Variants in IMMP2L observed in about 807,000 individuals in gnomAD.
The protein encoded by IMMP2L is mitochondrial inner membrane protease subunit 2.
IMMP2L carries 18 observed loss-of-function variants against 19.3 expected under a neutral mutation model. The ratio of observed to expected loss-of-function variants is 0.93; its 90% confidence interval spans 0.64 to 1.38. The LOEUF is 1.38. IMMP2L is among the 40% of genes most tolerant of loss of function. The pLI is 0.00. For synonymous variants in IMMP2L, 76 were observed against 73.0 expected, an observed-to-expected ratio of 1.04 and a Z score of -0.21; for missense variants, 233 against 218.2, an observed-to-expected ratio of 1.07 and a Z score of -0.43.
At chr7:110,929,357 C>T (rs952530269) in intron 4 of IMMP2L, among the ~76,000 whole-genome samples, 10 of 152,106 alleles carry the variant, frequency 6.6e-5, no homozygotes, top group Non-Finnish European at 8.8e-5. Flanking sequence ...AGATATTTCC[C>T]TCCGTTTGAG....
At chr7:110,713,633 G>A (rs919565712) in intron 5 of IMMP2L, among the ~76,000 whole-genome samples, 1 of 145,150 alleles carries the variant, frequency 6.9e-6, no homozygotes, top group Non-Finnish European at 1.5e-5. Context: ...TATCGCCTTG[G>A]TTGGGTGTAT....
chr7:110,866,242 C>T (rs1426714823), intron 5 of IMMP2L, among the ~76,000 whole-genome samples: 1 of 151,824 alleles, frequency 6.6e-6, no homozygotes, highest in Non-Finnish European at 1.5e-5. Flanking sequence ...AAAAGAACTA[C>T]CAATTTCAGC....
chr7:111,143,795 G>T (rs143219495), intron 3 of IMMP2L, among the ~76,000 whole-genome samples: 161 of 152,170 alleles, frequency 1.1e-3, no homozygotes, highest in Admixed American at 4.4e-3. Context: ...GTGAGAAAAT[G>T]CATTCTCATT....
At chr7:110,721,725 T>C (rs1398820336) in intron 5 of IMMP2L, among the ~76,000 whole-genome samples, 1 of 152,124 alleles carries the variant, frequency 6.6e-6, no homozygotes, top group South Asian at 2.1e-4. Context: ...CAATGCTGAA[T>C]GACAATGTTA....
In IMMP2L at chr7:110,772,951, CT is replaced by C. The variant is rs562486805; in HGVS notation, c.409-109231del. ...GAAGTACTATCGGCCATATTCATTTCTTTTTTTTTTCCCTTTGTCCTTTCAA... is the reference window on the plus strand; with the variant it reads ...GAAGTACTATCGGCCATATTCATTTCTTTTTTTTTCCCTTTGTCCTTTCAA... On this transcript the variant is annotated intron_variant, in intron 5 of 5. Coordinates refer to ENST00000405709, the MANE Select transcript of IMMP2L (RefSeq NM_032549.4). 2.2e-3 allele frequency among the ~76,000 whole-genome samples: 335 copies of C among 149,656 alleles called. 3 individuals carry two copies. Among genetic ancestry groups the C allele is most frequent in the African/African-American group, 7.1e-3 (289 of 40,904 alleles).
intron 5 of IMMP2L, among the ~76,000 whole-genome samples, chr7:110,677,162 A>G (rs559282302): frequency 6.6e-6 from 1 of 152,330 alleles, no homozygotes; most frequent in East Asian, 1.9e-4. Context: ...GAAGAACAAA[A>G]TGATTCCTTT....
chr7:110,872,387 A>G (rs907096777), intron 5 of IMMP2L, among the ~76,000 whole-genome samples: 5 of 152,140 alleles, frequency 3.3e-5, no homozygotes, highest in Non-Finnish European at 7.4e-5. Context: ...CACTTCTAAG[A>G]ACTTCATGAT....
At chr7:110,934,684 T>A (rs910477974) in intron 4 of IMMP2L, among the ~76,000 whole-genome samples, 1 of 152,232 alleles carries the variant, frequency 6.6e-6, no homozygotes, top group African/African-American at 2.4e-5. Flanking sequence ...GGTGTTCCTG[T>A]ATTGCATGCA....
At chr7:111,019,982 A>T (rs1826111572) in intron 3 of IMMP2L, among the ~76,000 whole-genome samples, 1 of 151,922 alleles carries the variant, frequency 6.6e-6, no homozygotes, top group Non-Finnish European at 1.5e-5. Flanking sequence ...TTCTCTACAT[A>T]GCTCTTAGAT....
rs916000175 is a variant in IMMP2L, at chr7:110,728,976, C to T, written c.409-65255G>A. On this transcript the variant is annotated intron_variant, in intron 5 of 5. Transcript: ENST00000405709. The surrounding 1 kb of genome is among the most constrained non-coding windows in gnomAD (Gnocchi z 4.6). ...CGCGATCTCAGCTCACAGCAACCTCCGTCTCCCAGGTTCAAGAGATTCTCC... is the reference window on the plus strand; with the variant it reads ...CGCGATCTCAGCTCACAGCAACCTCTGTCTCCCAGGTTCAAGAGATTCTCC... 6.6e-6 allele frequency among the ~76,000 whole-genome samples: 1 copy of T among 152,128 alleles called. No homozygotes were observed. The highest frequency in any genetic ancestry group is 2.4e-5 in the African/African-American group (1 of 41,438).
chr7:110,753,045 T>C (rs1395820860), intron 5 of IMMP2L, among the ~76,000 whole-genome samples: 1 of 152,074 alleles, frequency 6.6e-6, no homozygotes, highest in Non-Finnish European at 1.5e-5. Flanking sequence ...TAATGGAGTA[T>C]GGAGTATAAG....
chr7:111,498,667 G>A (rs1843834415), intron 2 of IMMP2L, among the ~76,000 whole-genome samples: 1 of 152,174 alleles, frequency 6.6e-6, no homozygotes, highest in African/African-American at 2.4e-5. Flanking sequence ...ATACAATGGT[G>A]TAGCAATCTA....
At chr7:110,967,619 A>G (rs989160058) in intron 3 of IMMP2L, among the ~76,000 whole-genome samples, 2 of 152,026 alleles carry the variant, frequency 1.3e-5, no homozygotes, top group Admixed American at 6.6e-5. Context: ...TGTATTGGAC[A>G]CTATTTACAT....
In IMMP2L at chr7:110,757,174, C is replaced by G. The variant is rs970518368; in HGVS notation, c.409-93453G>C. Among the ~76,000 whole-genome samples, 7 of 151,900 alleles carry G rather than the reference C, an allele frequency of 4.6e-5. No individual in the cohort carries two copies. The highest frequency in any genetic ancestry group is 2.6e-4 in the Admixed American group (4 of 15,202). On this transcript the variant is annotated intron_variant, in intron 5 of 5. Transcript: ENST00000405709. The surrounding 1 kb of genome is among the most constrained non-coding windows in gnomAD (Gnocchi z 4.2). ...GGAGAAAAATAAAGTCAGAAAGAGG[C>G]ATAGGGAGGGAATCCAGTGTTGGAG...
At chr7:110,786,738 A>C (rs1227404905) in intron 5 of IMMP2L, among the ~76,000 whole-genome samples, 1 of 152,038 alleles carries the variant, frequency 6.6e-6, no homozygotes, top group Non-Finnish European at 1.5e-5. Flanking sequence ...TTTCCTGCCA[A>C]CTGAGACATG....
intron 3 of IMMP2L, among the ~76,000 whole-genome samples, chr7:111,250,367 C>T (rs1332933806): frequency 2.6e-5 from 4 of 152,124 alleles, no homozygotes; most frequent in East Asian, 1.9e-4. Flanking sequence ...TCCCACTAAA[C>T]GACCATTGAC....
intron 3 of IMMP2L, among the ~76,000 whole-genome samples, chr7:111,038,744 T>C (rs1037548339): frequency 6.6e-6 from 1 of 152,142 alleles, no homozygotes; most frequent in Non-Finnish European, 1.5e-5. Flanking sequence ...TTCAAGCCAA[T>C]TTTTTATCTG....
intron 3 of IMMP2L, among the ~76,000 whole-genome samples, chr7:111,114,407 C>T (rs1188298535): frequency 1.3e-5 from 2 of 152,072 alleles, no homozygotes; most frequent in Admixed American, 1.3e-4. Context: ...TAAATCCTAT[C>T]GGTATCCATC....
chr7:110,699,691 C>A (rs1169961279), intron 5 of IMMP2L, among the ~76,000 whole-genome samples: 1 of 151,550 alleles, frequency 6.6e-6, no homozygotes, highest in Admixed American at 6.6e-5. Context: ...TCACTTGAAC[C>A]CAGGAGGCGA....
Sources: allele counts gnomAD v4.1 joint callset (sites outside exome capture counted in the v4.1 genomes callset), GRCh38; gene constraint gnomAD v4.1.1; non-coding constraint Gnocchi (gnomAD v3.1); transcripts MANE v1.5; gene names NCBI Gene and HGNC (gene_info 2026-07-23, HGNC 2026-07-21).